Variants in ANO4 observed in about 807,000 individuals in gnomAD.
ANO4 encodes anoctamin-4.
Under a neutral mutation model 141.9 loss-of-function variants are expected in ANO4, and 69 were observed. The ratio of observed to expected loss-of-function variants is 0.49; its 90% CI spans 0.40 to 0.59. The LOEUF (loss-of-function observed/expected upper bound fraction) is 0.59. ANO4 is among the 20% of genes least tolerant of loss of function. The probability of loss-of-function intolerance (pLI) is 0.00; values close to 1 mark genes in which losing one functional copy is unlikely to be tolerated. For missense variants in ANO4, 894 were observed against 1,162.2 expected (o/e 0.77, Z 3.36); for synonymous variants, 350 against 394.3 (o/e 0.89, Z 1.33).
chr12:101,071,708 T>C (rs2048818704), intron 14 of ANO4, among the ~76,000 whole-genome samples: 1 of 152,174 alleles, frequency 6.6e-6, no homozygotes, highest in South Asian at 2.1e-4. Context: ...CTGGATTGTT[T>C]GTAACACAAA....
chr12:100,951,758 G>A (rs2042976820), intron 5 of ANO4, among the ~76,000 whole-genome samples: 2 of 152,132 alleles, frequency 1.3e-5, no homozygotes, highest in East Asian at 1.9e-4. Flanking sequence ...AAAAGATTGT[G>A]GATAGCTGAT....
chr12:101,109,677 AT>A (rs777256848), intron 22 of ANO4, among the ~76,000 whole-genome samples: 5 of 152,208 alleles, frequency 3.3e-5, no homozygotes, highest in Non-Finnish European at 4.4e-5. Flanking sequence ...GAATCTACAA[AT>A]ATCCTAGTTT....
chr12:100,774,765 C>T (rs1178474382), intron 3 of ANO4, among the ~76,000 whole-genome samples: 1 of 152,212 alleles, frequency 6.6e-6, no homozygotes, highest in Non-Finnish European at 1.5e-5. Context: ...AACACAGAAA[C>T]TTTTGGCTTT....
At chr12:100,798,619 G>A (rs2034490656) in intron 1 of ANO4, among the ~76,000 whole-genome samples, 1 of 152,130 alleles carries the variant, frequency 6.6e-6, no homozygotes, top group Non-Finnish European at 1.5e-5. Context: ...AATCTATCCA[G>A]ACTGTCATAA....
intron 8 of ANO4, among the ~76,000 whole-genome samples, chr12:100,997,498 A>T (rs933296585): frequency 6.6e-6 from 1 of 151,836 alleles, no homozygotes; most frequent in African/African-American, 2.4e-5. Context: ...AAAGCATTCG[A>T]GATGCATTAA....
chr12:100,791,197 G>A (rs1338344392), upstream of ANO4, among the ~76,000 whole-genome samples: 8 of 152,026 alleles, frequency 5.3e-5, no homozygotes, highest in African/African-American at 4.8e-5. Flanking sequence ...TGGGCAACAC[G>A]GTGAAACCCT....
At chr12:100,834,318 T>C (rs1294495234) in intron 1 of ANO4, among the ~76,000 whole-genome samples, 1 of 152,102 alleles carries the variant, frequency 6.6e-6, no homozygotes, top group African/African-American at 2.4e-5. Context: ...CCTGAACTTA[T>C]TATCACCAAA....
At chr12:100,950,912 G>A (rs905826939) in intron 5 of ANO4, among the ~76,000 whole-genome samples, 2 of 152,152 alleles carry the variant, frequency 1.3e-5, no homozygotes, top group Non-Finnish European at 2.9e-5. Flanking sequence ...ATTCATGGGG[G>A]TCCTTGACCA....
chr12:100,915,610 A>G (rs373394473), intron 2 of ANO4, among the ~76,000 whole-genome samples: 3 of 152,082 alleles, frequency 2.0e-5, no homozygotes, highest in East Asian at 3.9e-4. Context: ...TTAAAGTGGA[A>G]TTGTTTTTAC....
intron 17 of ANO4, 90 bp downstream of exon 17, chr12:101,086,914 A>G: frequency 6.8e-7 from 1 of 1,463,510 alleles, no homozygotes. Context: ...ATCTGGCCTC[A>G]GAGAGGTGGG....
chr12:100,879,064 G>T (rs1243156000), intron 1 of ANO4, among the ~76,000 whole-genome samples: 1 of 152,136 alleles, frequency 6.6e-6, no homozygotes, highest in Non-Finnish European at 1.5e-5. Context: ...CCTAATACAG[G>T]AAAGAGTGTT....
intron 3 of ANO4, among the ~76,000 whole-genome samples, chr12:100,780,687 A>G (rs1282352077): frequency 6.6e-6 from 1 of 152,104 alleles, no homozygotes; most frequent in Admixed American, 6.5e-5. Context: ...GTTTTGATCA[A>G]TAGAGTCCTG....
rs555643583 is a variant in ANO4 at position 100,979,313 on chromosome 12, G to A, written c.602+4424G>A. ...AAACATGTGTCAGGATCATCTGGAG[G>A]GCTTTTAAAAACACGGATCACTGGG... is the stretch of plus-strand genomic sequence containing the variant. On this transcript the variant is annotated intron_variant, in intron 7 of 27. Coordinates refer to ENST00000392977, the MANE Select transcript of ANO4 (RefSeq NM_001286615.2). 9.2e-5 allele frequency among the ~76,000 whole-genome samples: 14 copies of A among 152,184 alleles called. 1 individual carries two copies. In the South Asian group the frequency reaches 1.7e-3, roughly 18 times the overall value.
intron 1 of ANO4, among the ~76,000 whole-genome samples, chr12:100,891,538 CGTT>C (rs1249356584): frequency 1.3e-5 from 2 of 151,876 alleles, no homozygotes; most frequent in African/African-American, 4.8e-5. Flanking sequence ...AGTGGTATCT[CGTT>C]GTTTTAATTT....
At chr12:101,124,163 A>T (rs2137072189) in intron 26 of ANO4, among the ~76,000 whole-genome samples, 1 of 152,238 alleles carries the variant, frequency 6.6e-6, no homozygotes, top group East Asian at 1.9e-4. Flanking sequence ...CAACATTCTG[A>T]CTGGTGTAAG....
At chr12:100,943,085 C>CCCTT (rs1400796783) in intron 5 of ANO4, among the ~76,000 whole-genome samples, 1 of 152,144 alleles carries the variant, frequency 6.6e-6, no homozygotes, top group Non-Finnish European at 1.5e-5. Context: ...TTGGTTCTTC[C>CCCTT]CCTTCCTTCC....
chr12:100,855,537 C>T (rs753860033), intron 1 of ANO4, among the ~76,000 whole-genome samples: 4 of 152,112 alleles, frequency 2.6e-5, no homozygotes, highest in Non-Finnish European at 5.9e-5. Flanking sequence ...ATTTTAATGG[C>T]TCTATGATAG....
At chr12:101,006,684 AG>A (rs1471408471) in intron 8 of ANO4, among the ~76,000 whole-genome samples, 1 of 152,226 alleles carries the variant, frequency 6.6e-6, no homozygotes, top group Non-Finnish European at 1.5e-5. Flanking sequence ...ATGCTGAGCA[AG>A]CAAAGCAACT....
intron 9 of ANO4, among the ~76,000 whole-genome samples, chr12:101,027,507 A>G (rs1183092570): frequency 6.6e-6 from 1 of 152,230 alleles, no homozygotes; most frequent in Non-Finnish European, 1.5e-5. Flanking sequence ...ACTCCAGGCC[A>G]TGCTTTTCCC....
Sources: allele counts gnomAD v4.1 joint callset (sites outside exome capture counted in the v4.1 genomes callset), GRCh38; gene constraint gnomAD v4.1.1; transcripts MANE v1.5; gene names NCBI Gene and HGNC (gene_info 2026-07-23, HGNC 2026-07-21).